The following BCR variants were observed in gnomAD, a reference collection of about 807,000 sequenced individuals.
The protein encoded by BCR is BCR activator of RhoGEF and GTPase.
A neutral mutation model predicts 138.6 loss-of-function variants in BCR; 58 were observed. The observed-to-expected ratio is 0.42, with a 90% confidence interval of 0.34 to 0.52. The LOEUF (loss-of-function observed/expected upper bound fraction) is 0.52, where lower values mean the gene tolerates loss of function less well. Among genes scored for constraint, BCR ranks in the 20% least tolerant of loss-of-function variants. The pLI is 0.06. For synonymous variants in BCR, 786 were observed against 730.1 expected (o/e 1.08, Z -1.23); for missense variants, 1,599 against 1,727.2 (o/e 0.93, Z 1.32).
chr22:23,301,174 C>T (rs1273340256), intron 16 of BCR, among the ~76,000 whole-genome samples: 2 of 152,252 alleles, frequency 1.3e-5, no homozygotes, highest in African/African-American at 2.4e-5. Flanking sequence ...GGCGCGATGG[C>T]GCATGCCTGT....
chr22:23,254,575 C>G (rs768521906), intron 2 of BCR: 17 of 518,814 alleles, frequency 3.3e-5, no homozygotes, highest in Admixed American at 1.4e-4. Context: ...CCACGCCCCC[C>G]CTCACATGAG....
intron 1 of BCR, among the ~76,000 whole-genome samples, chr22:23,192,526 A>G (rs777630145): frequency 1.3e-5 from 2 of 152,212 alleles, no homozygotes; most frequent in Non-Finnish European, 2.9e-5. Flanking sequence ...ATAGAAATCA[A>G]CTGACCCCAG....
chr22:23,283,165 C>T, intron 8 of BCR: 1 of 152,294 alleles, frequency 6.6e-6, no homozygotes, highest in East Asian at 1.9e-4. Flanking sequence ...CTAGACATGC[C>T]CATTCAGCAG....
At position 23,181,064 on chromosome 22, in the gene BCR, TG is replaced by T; in HGVS notation, c.106del (p.Glu36SerfsTer14). 6.6e-7 allele frequency: 1 copy of T among 1,523,130 alleles called. No individual in the cohort carries two copies. The allele number at this position is 1,523,130 out of a possible 1,614,324, so 94.4% of individuals were successfully genotyped here. The part of the protein sequence containing the change: ...LRSVGDIEQE[L>X]ERCKASIRRL... ...TCAGTGGGCGACATCGAGCAGGAGCTGGAGCGCTGCAAGGCCTCCATTCGGC... is the reference window on the plus strand; with the variant it reads ...TCAGTGGGCGACATCGAGCAGGAGCTGAGCGCTGCAAGGCCTCCATTCGGC... On this transcript the variant is annotated frameshift_variant, in exon 1 of 23. Coordinates refer to ENST00000305877, the MANE Select transcript of BCR (RefSeq NM_004327.4). LOFTEE classifies it high-confidence loss of function.
chr22:23,289,451 G>A (rs1366774499), intron 12 of BCR, 66 bp from the exon 13 acceptor site: 2 of 1,379,308 alleles, frequency 1.5e-6, no homozygotes, highest in African/African-American at 2.9e-5. Context: ...TGGAGGTCCA[G>A]TGGGAGGGGC....
chr22:23,261,440 C>T lies in BCR; in HGVS notation c.1652C>T (p.Pro551Leu). 6.2e-7 allele frequency: 1 copy of T among 1,613,942 alleles called. No individual in the cohort carries two copies. The highest frequency in any genetic ancestry group is 8.5e-7 in the Non-Finnish European group (1 of 1,180,014). Residue 551 changes from proline (P) to leucine (L), a missense_variant, in exon 4 of 23, where the codon CCT becomes CTT. Transcript: ENST00000305877. ...QQIETIFFKVPELYEIHKEFY... is the reference protein window; with the variant it reads ...QQIETIFFKVLELYEIHKEFY... ...ATCGAGACCATCTTCTTCAAAGTGC[C>T]TGAGCTCTACGAGATCCACAAGGAG...
chr22:23,272,927 G>T (rs904525004), intron 6 of BCR, among the ~76,000 whole-genome samples, 154 bp from the exon 7 acceptor site: 1 of 152,180 alleles, frequency 6.6e-6, no homozygotes, highest in African/African-American at 2.4e-5. Context: ...CCTGTTGGGT[G>T]CTCTAGCCTT....
At position 23,311,546 on chromosome 22, in the gene BCR, G is replaced by A. The variant is rs576182905; in HGVS notation, c.3183-151G>A. The A allele has an allele frequency of 1.6e-4, 95 of 610,528 alleles. 1 individual carries two copies. In the South Asian group the frequency reaches 1.7e-3, roughly 11 times the overall value. The allele number at this position is 610,528 out of a possible 1,614,324, so 37.8% of individuals were successfully genotyped here. A position where few individuals can be genotyped will look rare whatever the true frequency, so the allele number is the denominator to read the frequency against. Reference sequence around the variant, plus strand: ...GACAGAGCTTGCAGAGGGAGGACAGGCATGCAGAAGGCTCTGTGTGCAGCC... The same window carrying A: ...GACAGAGCTTGCAGAGGGAGGACAGACATGCAGAAGGCTCTGTGTGCAGCC... On this transcript the variant is annotated intron_variant, in intron 18 of 22. Coordinates refer to ENST00000305877, the MANE Select transcript of BCR (RefSeq NM_004327.4).
rs1668747176 is a variant in BCR at position 23,180,657 on chromosome 22, G to GAGTCTGGCGGC, written c.-303_-293dup. ...GCGAGGAGCGCGCGGGCCGTGGCCA[G>GAGTCTGGCGGC]AGTCTGGCGGCGGCCTGGCGGAGCG... is the stretch of plus-strand genomic sequence containing the variant. On this transcript the variant is annotated 5_prime_UTR_variant, in exon 1 of 23. Coordinates refer to ENST00000305877, the MANE Select transcript of BCR (RefSeq NM_004327.4). The GAGTCTGGCGGC allele has an allele frequency of 6.4e-6, 1 of 155,854 alleles. No homozygotes were observed. The highest frequency in any genetic ancestry group is 1.4e-5 in the Non-Finnish European group (1 of 71,734). The allele number at this position is 155,854 out of a possible 1,614,324, so 9.7% of individuals were successfully genotyped here.
rs1350452582 is a variant in BCR at position 23,180,575 on chromosome 22, GCGGCGGCGGCGGCGGCA to G, written c.-373_-357del. The G allele has an allele frequency of 1.3e-4, 5 of 38,876 alleles. No individual in the cohort carries two copies. Among genetic ancestry groups the G allele is most frequent in the African/African-American group, 1.2e-3 (1 of 830 alleles). 2.4% of individuals were successfully genotyped at this position (38,876 alleles called of 1,614,324 possible). A position where few individuals can be genotyped will look rare whatever the true frequency, so the allele number is the denominator to read the frequency against. The stretch of plus-strand genomic sequence containing the variant: ...GCTGAGCTTAGCGTCCGAGGAGGCG[GCGGCGGCGGCGGCGGCA>G]CGGCGGCGGCGGGGCTGTGGGGCGG... On this transcript the variant is annotated 5_prime_UTR_variant, in exon 1 of 23. Coordinates refer to ENST00000305877, the MANE Select transcript of BCR (RefSeq NM_004327.4).
At chr22:23,262,716 CG>C (rs2073378771) in intron 4 of BCR, 4 of 800,350 alleles carry the variant, frequency 5.0e-6, no homozygotes, top group South Asian at 1.1e-4. Flanking sequence ...AGGGCGGGCC[CG>C]GGTGAGGGCG....
intron 16 of BCR, among the ~76,000 whole-genome samples, chr22:23,299,337 A>G (rs1040108205): frequency 1.3e-5 from 2 of 152,138 alleles, no homozygotes; most frequent in Non-Finnish European, 2.9e-5. Context: ...CCTCTGCCAC[A>G]TGGACCATGT....
intron 1 of BCR, among the ~76,000 whole-genome samples, chr22:23,206,495 T>G (rs903450973): frequency 1.3e-5 from 2 of 150,544 alleles, no homozygotes; most frequent in African/African-American, 2.5e-5. Flanking sequence ...GAGAATGGCA[T>G]GAACCCAGGA....
intron 1 of BCR, among the ~76,000 whole-genome samples, chr22:23,200,840 A>G (rs1265991185): frequency 2.6e-5 from 4 of 152,176 alleles, no homozygotes; most frequent in Non-Finnish European, 5.9e-5. Context: ...GACTCCAGGC[A>G]TGAGCCACCA....
intron 1 of BCR, among the ~76,000 whole-genome samples, chr22:23,220,863 T>G (rs2072816890): frequency 1.3e-5 from 2 of 152,138 alleles, no homozygotes; most frequent in African/African-American, 2.4e-5. Flanking sequence ...CATGCCATGG[T>G]TCCCCTTTTG....
intron 3 of BCR, 92 bp downstream of exon 3, chr22:23,261,146 CAG>C: frequency 3.7e-6 from 5 of 1,369,170 alleles, no homozygotes; most frequent in Non-Finnish European, 5.1e-6. Flanking sequence ...GGTCAGCTGT[CAG>C]AGCCTGGGTG....
chr22:23,276,868 G>A (rs1340591323), intron 8 of BCR, among the ~76,000 whole-genome samples: 1 of 152,266 alleles, frequency 6.6e-6, no homozygotes, highest in East Asian at 1.9e-4. Context: ...CTGATTTGGG[G>A]ACACCCTTTT....
intron 16 of BCR, among the ~76,000 whole-genome samples, chr22:23,296,363 G>A (rs1203487861): frequency 1.6e-5 from 2 of 128,832 alleles, no homozygotes; most frequent in Non-Finnish European, 3.1e-5. Context: ...GACAGAGCGA[G>A]AGTCCGTCTC....
intron 1 of BCR, among the ~76,000 whole-genome samples, chr22:23,252,403 T>TGG (rs1055009729): frequency 4.6e-5 from 7 of 151,532 alleles, no homozygotes; most frequent in African/African-American, 1.7e-4. Flanking sequence ...GGTAACATTT[T>TGG]GGGTTTCCCT....
Sources: allele counts gnomAD v4.1 joint callset (sites outside exome capture counted in the v4.1 genomes callset), GRCh38; gene constraint gnomAD v4.1.1; transcripts MANE v1.5; gene names NCBI Gene and HGNC (gene_info 2026-07-23, HGNC 2026-07-21).